Variants in DNAJC1 observed in about 807,000 individuals in gnomAD.
The protein encoded by DNAJC1 is dnaJ homolog subfamily C member 1.
A neutral mutation model predicts 76.6 loss-of-function variants in DNAJC1; 58 were observed. That is an observed-to-expected ratio of 0.76 (90% CI 0.61 to 0.94). DNAJC1 has a LOEUF of 0.94. Ranked by LOEUF, DNAJC1 falls within the 40% of genes least tolerant of loss-of-function variation. DNAJC1 has a pLI of 0.00. For synonymous variants in DNAJC1, 258 were observed against 267.9 expected (o/e 0.96, Z 0.36); for missense variants, 689 against 677.3 (o/e 1.02, Z -0.19).
rs1837672549 is a variant in DNAJC1 at position 21,955,934 on chromosome 10, A to G, written c.223-26793T>C. Among the ~76,000 whole-genome samples, 3 of 152,192 alleles carry G rather than the reference A, an allele frequency of 2.0e-5. No individual in the cohort carries two copies. The South Asian group carries it at 6.2e-4, about 31-fold the overall frequency. ...TGTAATACCTTGATTCTTAAAAACT[A>G]CTTTAAAAAATTTAAAGAAAAAACT... On this transcript the variant is annotated intron_variant, in intron 1 of 11. Transcript: ENST00000376980.
intron 10 of DNAJC1, among the ~76,000 whole-genome samples, chr10:21,766,049 T>C (rs905954613): frequency 6.6e-5 from 10 of 152,190 alleles, no homozygotes; most frequent in African/African-American, 2.4e-4. Flanking sequence ...TATTTAACCT[T>C]ATTAATTAAA....
intron 9 of DNAJC1, among the ~76,000 whole-genome samples, chr10:21,775,851 C>CCA (rs1834448861): frequency 6.6e-6 from 1 of 152,046 alleles, no homozygotes; most frequent in Non-Finnish European, 1.5e-5. Context: ...ATCTGAGGAA[C>CCA]TAATATTGTG....
chr10:21,852,496 A>T (rs1835772028), intron 8 of DNAJC1, among the ~76,000 whole-genome samples: 1 of 152,162 alleles, frequency 6.6e-6, no homozygotes, highest in African/African-American at 2.4e-5. Flanking sequence ...AATTTTTAAA[A>T]ACTCTTATAG....
intron 9 of DNAJC1, among the ~76,000 whole-genome samples, chr10:21,770,972 A>T (rs934232553): frequency 6.6e-6 from 1 of 152,050 alleles, no homozygotes; most frequent in Non-Finnish European, 1.5e-5. Context: ...TTAGACTTTA[A>T]TTTCTTTCAA....
chr10:21,997,800 T>C (rs1376101222), intron 1 of DNAJC1, among the ~76,000 whole-genome samples: 1 of 152,250 alleles, frequency 6.6e-6, no homozygotes, highest in Non-Finnish European at 1.5e-5. Flanking sequence ...CTTCTGCTTT[T>C]CTTCTGTTAA....
intron 9 of DNAJC1, among the ~76,000 whole-genome samples, chr10:21,781,140 G>A (rs920926782): frequency 1.3e-5 from 2 of 152,090 alleles, no homozygotes; most frequent in African/African-American, 4.8e-5. Context: ...ACACACAATA[G>A]TAATGGGAGA....
At chr10:21,848,718 T>C (rs554377530) in intron 8 of DNAJC1, among the ~76,000 whole-genome samples, 19 of 152,310 alleles carry the variant, frequency 1.2e-4, no homozygotes, top group African/African-American at 3.8e-4. Flanking sequence ...TTCTCCAGGA[T>C]AAAACATGTA....
chr10:21,948,039 G>T (rs565386670), intron 1 of DNAJC1, among the ~76,000 whole-genome samples: 1 of 151,314 alleles, frequency 6.6e-6, no homozygotes, highest in Non-Finnish European at 1.5e-5. Context: ...CAAAAATATG[G>T]GATATAATAA....
In DNAJC1 at chr10:21,914,679, C is replaced by A. The variant is rs1385928898; in HGVS notation, c.729+4100G>T. Among the ~76,000 whole-genome samples the A allele has an allele frequency of 3.3e-5, 5 of 152,188 alleles. No homozygotes were observed. In the East Asian group the frequency reaches 7.7e-4, roughly 23 times the overall value. The stretch of plus-strand genomic sequence containing the variant: ...GAAGACAGTAATGGGCTGCATGATA[C>A]CCTCTTTAAAAAAAGGCTGTTGTAT... On this transcript the variant is annotated intron_variant, in intron 6 of 11. Transcript: ENST00000376980.
intron 1 of DNAJC1, among the ~76,000 whole-genome samples, chr10:21,949,078 G>A (rs1391766859): frequency 1.3e-5 from 2 of 152,100 alleles, no homozygotes; most frequent in Non-Finnish European, 2.9e-5. Context: ...GTATATTTGG[G>A]TTAAGTGTTT....
chr10:21,768,986 T>G (rs974997404), intron 9 of DNAJC1, among the ~76,000 whole-genome samples: 12 of 152,194 alleles, frequency 7.9e-5, no homozygotes, highest in African/African-American at 2.9e-4. Flanking sequence ...TCCCTTGACC[T>G]TATCTTTTCT....
At chr10:21,807,595 T>C (rs1253166288) in intron 8 of DNAJC1, among the ~76,000 whole-genome samples, 1 of 152,206 alleles carries the variant, frequency 6.6e-6, no homozygotes, top group Non-Finnish European at 1.5e-5. Context: ...CTATCAAGAA[T>C]GTTCGCTGAA....
chr10:21,950,050 T>C (rs1404928697), intron 1 of DNAJC1, among the ~76,000 whole-genome samples: 2 of 152,050 alleles, frequency 1.3e-5, no homozygotes, highest in Non-Finnish European at 2.9e-5. Flanking sequence ...ATCTTTTTTT[T>C]TTTTGAGACA....
At chr10:21,842,835 T>C (rs1043001443) in intron 8 of DNAJC1, among the ~76,000 whole-genome samples, 5 of 152,232 alleles carry the variant, frequency 3.3e-5, no homozygotes, top group African/African-American at 1.2e-4. Flanking sequence ...GGGATATACA[T>C]AATCTCAAAA....
chr10:21,808,308 C>G (rs547541188), intron 8 of DNAJC1, among the ~76,000 whole-genome samples: 1 of 152,088 alleles, frequency 6.6e-6, no homozygotes, highest in South Asian at 2.1e-4. Context: ...ACTCTGCATA[C>G]ATAAACATTG....
chr10:21,974,413 T>C (rs899188843), intron 1 of DNAJC1, among the ~76,000 whole-genome samples: 2 of 152,206 alleles, frequency 1.3e-5, no homozygotes, highest in African/African-American at 2.4e-5. Flanking sequence ...AGCTAACCCA[T>C]TCTGGGTACA....
chr10:21,948,950 A>G (rs1837550230), intron 1 of DNAJC1, among the ~76,000 whole-genome samples: 1 of 152,190 alleles, frequency 6.6e-6, no homozygotes, highest in African/African-American at 2.4e-5. Context: ...TTAATTCAGA[A>G]GAGTAGCCAA....
In DNAJC1 at chr10:21,929,035, C is replaced by T; in HGVS notation, c.324+5G>A. On this transcript the variant is annotated splice_donor_5th_base_variant and intron_variant, in intron 2 of 11. Coordinates refer to ENST00000376980, the MANE Select transcript of DNAJC1 (RefSeq NM_022365.4). ...AATATATATATAATAGCATATTTCA[C>T]TTACTTGTCTAAACTGAGTTTCTGC... 6.4e-7 allele frequency: 1 copy of T among 1,568,496 alleles called. No individual in the cohort carries two copies. The highest frequency in any genetic ancestry group is 1.1e-5 in the South Asian group (1 of 88,154).
chr10:21,976,977 A>T (rs1237011725), intron 1 of DNAJC1, among the ~76,000 whole-genome samples: 6 of 152,176 alleles, frequency 3.9e-5, no homozygotes, highest in Admixed American at 2.0e-4. Context: ...AACAAGTAGC[A>T]TCAGTAAAGG....
Sources: gnomAD v4.1 joint callset for allele counts (sites outside exome capture counted in the v4.1 genomes callset) on GRCh38, gnomAD v4.1.1 for gene constraint, MANE v1.5 for transcripts, NCBI Gene and HGNC (gene_info 2026-07-23, HGNC 2026-07-21) for gene names.